The following CFAP61 variants were observed in gnomAD, a reference collection of about 807,000 sequenced individuals.
The protein encoded by CFAP61 is cilia and flagella associated protein 61.
CFAP61 carries 107 observed loss-of-function variants against 135.6 expected under a neutral mutation model. The ratio of observed to expected loss-of-function variants is 0.79; its 90% CI spans 0.67 to 0.93. The LOEUF is 0.93. Among genes scored for constraint, CFAP61 ranks in the 40% least tolerant of loss-of-function variants. The pLI is 0.00. For synonymous variants in CFAP61, 575 were observed against 578.5 expected (o/e 0.99, Z 0.09); for missense variants, 1,507 against 1,556.2 (o/e 0.97, Z 0.53).
At chr20:20,197,979 A>G (rs978482318) in intron 16 of CFAP61, among the ~76,000 whole-genome samples, 1 of 152,270 alleles carries the variant, frequency 6.6e-6, no homozygotes, top group Non-Finnish European at 1.5e-5. Context: ...ACATATACAC[A>G]TAACAATAAT....
chr20:20,177,771 G>A lies in CFAP61; in HGVS notation c.1385+8311G>A, dbSNP rs73605601. Among the ~76,000 whole-genome samples the A allele has an allele frequency of 3.7e-4, 53 of 145,076 alleles. 1 individual carries two copies. The East Asian group carries it at 9.7e-3, about 27-fold the overall frequency. On this transcript the variant is annotated intron_variant, in intron 13 of 26. Coordinates refer to ENST00000245957, the MANE Select transcript of CFAP61 (RefSeq NM_015585.4). ...AAGGGCGAACGTGAAGAGTATAGCAGGTGTGGAGAGGGGATAGGAACTGCT... is the reference window on the plus strand; with the variant it reads ...AAGGGCGAACGTGAAGAGTATAGCAAGTGTGGAGAGGGGATAGGAACTGCT...
chr20:20,126,558 C>T (rs2050079188), intron 8 of CFAP61, among the ~76,000 whole-genome samples: 1 of 151,864 alleles, frequency 6.6e-6, no homozygotes, highest in Admixed American at 6.5e-5. Context: ...TCCCTTCTAG[C>T]TTATAGGGTT....
intron 6 of CFAP61, chr20:20,085,170 G>T (rs1362813597): frequency 1.0e-6 from 1 of 985,338 alleles, no homozygotes; most frequent in African/African-American, 1.7e-5. Flanking sequence ...GCCAGGGCAT[G>T]TGACGCTGCG....
intron 6 of CFAP61, chr20:20,085,602 C>A: frequency 1.0e-6 from 1 of 962,764 alleles, no homozygotes; most frequent in Non-Finnish European, 1.5e-6. Context: ...GGCTCTGGGT[C>A]TTTCGGAACC....
rs576647860 is a variant in CFAP61 at position 20,091,835 on chromosome 20, G to A, written c.699+859G>A. Among the ~76,000 whole-genome samples, 31 of 152,196 alleles carry A rather than the reference G, an allele frequency of 2.0e-4. No individual in the cohort carries two copies. The South Asian group carries it at 6.2e-3, about 31-fold the overall frequency. The stretch of plus-strand genomic sequence containing the variant: ...TGGGATTACAGGTGTGCGCCACCAC[G>A]CCCAGCTAACTTTTGTATTTTTAGT... On this transcript the variant is annotated intron_variant, in intron 7 of 26. Coordinates refer to ENST00000245957, the MANE Select transcript of CFAP61 (RefSeq NM_015585.4).
At chr20:20,258,394 G>A (rs1423644618) in intron 20 of CFAP61, 1 of 152,160 alleles carries the variant, frequency 6.6e-6, no homozygotes, top group Non-Finnish European at 1.5e-5. Context: ...CACAAAAACA[G>A]AAGTGTACTT....
chr20:20,113,349 G>T (rs570836834), intron 8 of CFAP61, among the ~76,000 whole-genome samples: 33 of 152,120 alleles, frequency 2.2e-4, no homozygotes, highest in Non-Finnish European at 4.4e-4. Flanking sequence ...GGTACCTGCA[G>T]TTTCATGACA....
Position 20,075,537 on chromosome 20 carries a change from T to A in CFAP61, c.488T>A (p.Leu163Gln), listed in dbSNP as rs768188030. The A allele has an allele frequency of 6.2e-7, 1 of 1,614,166 alleles. No homozygotes were observed. The highest frequency in any genetic ancestry group is 8.5e-7 in the Non-Finnish European group (1 of 1,179,972). ...VFDQVGNIPC[L>Q]TYEEDFAVHI... ...GACCAAGTGGGGAACATCCCGTGTC[T>A]GACGTATGAGGAAGACTTTGCAGTG... The change falls in exon 6 of 27, where the codon CTG becomes CAG. Residue 163 changes from leucine to glutamine, a missense_variant. Coordinates refer to ENST00000245957, the MANE Select transcript of CFAP61 (RefSeq NM_015585.4).
At chr20:20,340,942 C>T (rs947830459) in intron 25 of CFAP61, among the ~76,000 whole-genome samples, 12 of 152,118 alleles carry the variant, frequency 7.9e-5, no homozygotes, top group Admixed American at 3.3e-4. Flanking sequence ...CTCTAGTGCC[C>T]CCGTGGCCCC....
At chr20:20,146,754 A>G (rs1401277539) in intron 9 of CFAP61, among the ~76,000 whole-genome samples, 1 of 152,230 alleles carries the variant, frequency 6.6e-6, no homozygotes, top group Non-Finnish European at 1.5e-5. Context: ...CAGATGAAGA[A>G]CAATACTGTC....
chr20:20,142,033 C>A (rs1569769), intron 8 of CFAP61, among the ~76,000 whole-genome samples: 137,215 of 152,186 alleles, frequency 0.9, 62,669 homozygotes, highest in Middle Eastern at 0.99. Context: ...AGAGCGGACA[C>A]CACTGGGTGA....
intron 1 of CFAP61, among the ~76,000 whole-genome samples, chr20:20,054,905 A>C (rs1302182275): frequency 1.3e-5 from 2 of 152,206 alleles, no homozygotes; most frequent in Non-Finnish European, 2.9e-5. Flanking sequence ...CCATGCTAAA[A>C]GTAATTAGCC....
At chr20:20,175,441 A>G (rs553778649) in intron 13 of CFAP61, among the ~76,000 whole-genome samples, 1 of 151,558 alleles carries the variant, frequency 6.6e-6, no homozygotes, top group Non-Finnish European at 1.5e-5. Flanking sequence ...ACTTTCATGC[A>G]CGTTAAAAGT....
intron 20 of CFAP61, among the ~76,000 whole-genome samples, chr20:20,261,318 G>A (rs185491267): frequency 1.3e-5 from 2 of 152,312 alleles, no homozygotes; most frequent in Admixed American, 1.3e-4. Context: ...TTAAGCACCA[G>A]CCAGCATTTG....
At chr20:20,104,179 A>G (rs8124255) in intron 8 of CFAP61, among the ~76,000 whole-genome samples, 1,903 of 152,292 alleles carry the variant, frequency 0.012, 43 homozygotes, top group African/African-American at 0.044. Flanking sequence ...TGCTCACTAT[A>G]CATATAAAAG....
chr20:20,253,220 CCTT>C, intron 20 of CFAP61: 1 of 150,972 alleles, frequency 6.6e-6, no homozygotes, highest in Non-Finnish European at 1.5e-5. Context: ...TTTCTTCCTT[CCTT>C]CTTTCTGTCC....
intron 26 of CFAP61, among the ~76,000 whole-genome samples, chr20:20,351,139 C>T (rs187060707): frequency 5.1e-4 from 78 of 152,274 alleles, no homozygotes; most frequent in Admixed American, 2.8e-3. Context: ...ATAAACACAT[C>T]CAACTAGGAA....
intron 24 of CFAP61, among the ~76,000 whole-genome samples, chr20:20,296,333 T>TTCCTTCCTTCCCTCCTTCCTTCCCC: frequency 9.5e-6 from 1 of 105,818 alleles, no homozygotes. Flanking sequence ...CTTCCCTTCC[T>TTCCTTCCTTCCCTCCTTCCTTCCCC]TCCTTCCTTG....
intron 26 of CFAP61, among the ~76,000 whole-genome samples, chr20:20,356,224 C>G (rs62200216): frequency 0.94 from 67,986 of 72,568 alleles, 32,423 homozygotes; most frequent in Middle Eastern, 1. Flanking sequence ...GAGTGAGGAG[C>G]TAGTCACACT....
Sources: allele counts gnomAD v4.1 joint callset (sites outside exome capture counted in the v4.1 genomes callset), GRCh38; gene constraint gnomAD v4.1.1; transcripts MANE v1.5; gene names NCBI Gene and HGNC (gene_info 2026-07-23, HGNC 2026-07-21).